The following ATP11A variants were observed in gnomAD, a reference collection of about 807,000 sequenced individuals.
The protein encoded by ATP11A is ATPase phospholipid transporting 11A, also known as phospholipid-transporting ATPase IH.
In ATP11A, 81 loss-of-function variants were observed where a neutral mutation model predicts 154.4. The observed-to-expected ratio is 0.52, with a 90% CI of 0.44 to 0.63. The LOEUF is 0.63. Among genes scored for constraint, ATP11A ranks in the 30% least tolerant of loss-of-function variants. The pLI, the probability that ATP11A is intolerant of heterozygous loss-of-function variation, is 0.00. For synonymous variants in ATP11A, 623 were observed against 585.9 expected (o/e 1.06, Z -0.91); for missense variants, 1,316 against 1,474.3 (o/e 0.89, Z 1.76).
chr13:112,735,669 A>G (rs1890925121), intron 1 of ATP11A, among the ~76,000 whole-genome samples: 1 of 152,178 alleles, frequency 6.6e-6, no homozygotes, highest in Non-Finnish European at 1.5e-5. Context: ...AGAAGTGCTA[A>G]GTGGTCACAG....
At position 112,884,609 on chromosome 13, in the gene ATP11A, A is replaced by C. The variant is rs960491587; in HGVS notation, c.*2743A>C. 1 of 152,264 alleles carries C rather than the reference A, an allele frequency of 6.6e-6. No individual in the cohort carries two copies. Among genetic ancestry groups the C allele is most frequent in the Non-Finnish European group, 1.5e-5 (1 of 68,058 alleles). 9.4% of individuals were successfully genotyped at this position (152,264 alleles called of 1,614,324 possible). A position where few individuals can be genotyped will look rare whatever the true frequency, so the allele number is the denominator to read the frequency against. ...AGTAGTTAGTATTTACTTGCCTTAAACTAACTTTGAAGCAAGTAATGTCAA... is the reference window on the plus strand; with the variant it reads ...AGTAGTTAGTATTTACTTGCCTTAACCTAACTTTGAAGCAAGTAATGTCAA... On this transcript the variant is annotated 3_prime_UTR_variant, in exon 30 of 30. Coordinates refer to ENST00000375645, the MANE Select transcript of ATP11A (RefSeq NM_015205.3).
Position 112,859,587 on chromosome 13 carries a change from A to T in ATP11A, c.2727+135A>T. ...CCACGAGGGAGCCAGGGTGCCCAGC[A>T]GCAGGCGGGGGTGAAGGGTCGGGCC... is the stretch of plus-strand genomic sequence containing the variant. On this transcript the variant is annotated intron_variant, in intron 23 of 29. Transcript: ENST00000375645. This position sits in a 1 kb window ranked among gnomAD's most constrained non-coding sequence, Gnocchi z 4.3. 1 of 769,700 alleles carries T rather than the reference A, an allele frequency of 1.3e-6. No homozygotes were observed. The highest frequency in any genetic ancestry group is 2.3e-6 in the Non-Finnish European group (1 of 438,446). The allele number at this position is 769,700 out of a possible 1,614,324, so 47.7% of individuals were successfully genotyped here.
chr13:112,873,769 T>A, intron 27 of ATP11A, 93 bp downstream of exon 27: 1 of 1,275,760 alleles, frequency 7.8e-7, no homozygotes, highest in Non-Finnish European at 1.1e-6. Flanking sequence ...CGTGCGGCCC[T>A]GTTGGTTGGG....
chr13:112,809,697 C>G (rs1432018598), intron 4 of ATP11A, among the ~76,000 whole-genome samples: 1 of 152,190 alleles, frequency 6.6e-6, no homozygotes, highest in Non-Finnish European at 1.5e-5. Flanking sequence ...GGTGTGCAGT[C>G]TCTCACATGC....
At chr13:112,775,377 G>A (rs143574771) in intron 1 of ATP11A, among the ~76,000 whole-genome samples, 4 of 152,270 alleles carry the variant, frequency 2.6e-5, no homozygotes, top group East Asian at 1.9e-4. Context: ...GCACACAGGC[G>A]GGCTTCCACA....
chr13:112,870,761 C>T (rs542760963), intron 25 of ATP11A, among the ~76,000 whole-genome samples: 3 of 152,252 alleles, frequency 2.0e-5, no homozygotes, highest in African/African-American at 2.4e-5. Flanking sequence ...TGGGCCACAG[C>T]GCAGGAGCGT....
chr13:112,778,052 C>G (rs1047411350), intron 1 of ATP11A, among the ~76,000 whole-genome samples: 4 of 152,180 alleles, frequency 2.6e-5, no homozygotes, highest in Non-Finnish European at 4.4e-5. Context: ...TGTGGCACTC[C>G]TTCCTGTTCC....
intron 29 of ATP11A, chr13:112,880,712 A>C: frequency 8.1e-7 from 1 of 1,241,290 alleles, no homozygotes; most frequent in Non-Finnish European, 1.0e-6. Flanking sequence ...TTTTCCTCCA[A>C]AGTTGTGCTG....
intron 19 of ATP11A, among the ~76,000 whole-genome samples, chr13:112,854,854 G>C (rs564866849): frequency 1.3e-5 from 2 of 152,358 alleles, no homozygotes; most frequent in East Asian, 1.9e-4. Context: ...CTGAGACTTA[G>C]GGGCTCTGCT....
At chr13:112,815,245 G>C (rs993768671) in intron 5 of ATP11A, among the ~76,000 whole-genome samples, 1 of 150,648 alleles carries the variant, frequency 6.6e-6, no homozygotes, top group East Asian at 2.0e-4. Flanking sequence ...CCACTGAGAT[G>C]CCTTCCTCAC....
intron 1 of ATP11A, among the ~76,000 whole-genome samples, chr13:112,712,496 G>A (rs192398895): frequency 7.9e-5 from 12 of 152,280 alleles, no homozygotes; most frequent in Non-Finnish European, 1.3e-4. Flanking sequence ...GTGGGGGATC[G>A]TGAGGTGAGG....
intron 13 of ATP11A, among the ~76,000 whole-genome samples, chr13:112,832,486 C>T (rs1475580725): frequency 6.6e-6 from 1 of 152,226 alleles, no homozygotes; most frequent in African/African-American, 2.4e-5. Context: ...GGCAGAGGCA[C>T]AGCCAGGGTC....
intron 1 of ATP11A, among the ~76,000 whole-genome samples, chr13:112,772,655 C>CCCCAG (rs2077253865): frequency 6.6e-6 from 1 of 152,182 alleles, no homozygotes; most frequent in South Asian, 2.1e-4. Context: ...TCCCGTCATG[C>CCCCAG]CCCAGCCCAG....
At chr13:112,876,108 A>ACTTTCCT in intron 28 of ATP11A, 167 bp downstream of exon 28, 2 of 625,988 alleles carry the variant, frequency 3.2e-6, no homozygotes, top group Non-Finnish European at 4.8e-6. Flanking sequence ...AACATCAGGT[A>ACTTTCCT]CATTTGCGAT....
chr13:112,871,919 A>G, intron 26 of ATP11A, 119 bp downstream of exon 26: 2 of 1,151,276 alleles, frequency 1.7e-6, no homozygotes, highest in East Asian at 2.4e-5. Flanking sequence ...GCCACTCTCC[A>G]CCCAGCCTTG....
At position 112,775,023 on chromosome 13, in the gene ATP11A, C is replaced by T. The variant is rs149543525; in HGVS notation, c.40-10112C>T. 6.2e-4 allele frequency among the ~76,000 whole-genome samples: 94 copies of T among 152,378 alleles called. No individual in the cohort carries two copies. In the East Asian group the frequency reaches 0.018, roughly 28 times the overall value. ...TCATCGGGGTAGGCGGCAAGGCCAG[C>T]GGGCTGCAGCGTGTGCCTCGGATGT... On this transcript the variant is annotated intron_variant, in intron 1 of 29. Coordinates refer to ENST00000375645, the MANE Select transcript of ATP11A (RefSeq NM_015205.3).
chr13:112,827,900 A>G (rs995109225), intron 12 of ATP11A, among the ~76,000 whole-genome samples: 11 of 152,272 alleles, frequency 7.2e-5, no homozygotes, highest in Admixed American at 3.9e-4. Flanking sequence ...TACTCCTCAC[A>G]GTGCTTTATT....
intron 26 of ATP11A, 61 bp from the exon 27 acceptor site, chr13:112,873,512 A>G (rs372362061): frequency 6.7e-6 from 9 of 1,335,228 alleles, no homozygotes; most frequent in African/African-American, 3.0e-5. Context: ...TGTCCTGCCC[A>G]TCACGATCAT....
At chr13:112,851,270 G>A (rs781128495) in intron 18 of ATP11A, 52 bp downstream of exon 18, 14 of 1,570,236 alleles carry the variant, frequency 8.9e-6, no homozygotes, top group Admixed American at 5.1e-5. Flanking sequence ...GATGCAGGCC[G>A]ACGGCCCAGG....
Sources: gnomAD v4.1 joint callset for allele counts (sites outside exome capture counted in the v4.1 genomes callset) on GRCh38, gnomAD v4.1.1 for gene constraint, Gnocchi (gnomAD v3.1) non-coding constraint, MANE v1.5 for transcripts, NCBI Gene and HGNC (gene_info 2026-07-23, HGNC 2026-07-21) for gene names.